The following SNX30 variants were observed in gnomAD, a reference collection of about 807,000 sequenced individuals.
SNX30 encodes sorting nexin family member 30, also known as sorting nexin-30.
A neutral mutation model predicts 46.4 loss-of-function variants in SNX30; 24 were observed. The ratio of observed to expected loss-of-function variants is 0.52; its 90% CI spans 0.37 to 0.73. SNX30 has a LOEUF of 0.73. SNX30 is among the 30% of genes least tolerant of loss of function. SNX30 has a pLI of 0.00. For synonymous variants in SNX30, 189 were observed against 211.5 expected (o/e 0.89, Z 0.92); for missense variants, 533 against 555.7 (o/e 0.96, Z 0.41).
chr9:112,846,981 C>A (rs1055472563), intron 6 of SNX30, among the ~76,000 whole-genome samples: 21 of 152,160 alleles, frequency 1.4e-4, no homozygotes, highest in Non-Finnish European at 4.4e-5. Context: ...CCACTGTGGT[C>A]TTTTTTGGGA....
In SNX30 at chr9:112,804,904, T is replaced by C. The variant is rs1891402; in HGVS notation, c.285T>C (p.Val95=). The change falls in exon 2 of 9, where the codon GTT becomes GTC. Residue 95 remains valine (V), a synonymous_variant. Coordinates refer to ENST00000374232, the MANE Select transcript of SNX30 (RefSeq NM_001012994.2). Reference sequence around the variant, plus strand: ...AGACTAGAGATCTCTTCGTTATAGTTGATGATCCCAAGAAGCATGTGTGTA... The same window carrying C: ...AGACTAGAGATCTCTTCGTTATAGTCGATGATCCCAAGAAGCATGTGTGTA... ...DGETRDLFVI[V]DDPKKHVCTM... The C allele has an allele frequency of 0.92, 1,485,178 of 1,613,504 alleles. 684,080 individuals carry two copies. The highest frequency in any genetic ancestry group is 1 in the East Asian group (44,835 of 44,848).
intron 8 of SNX30, among the ~76,000 whole-genome samples, chr9:112,865,242 T>TAC (rs1841305399): frequency 8.7e-6 from 1 of 114,406 alleles, no homozygotes; most frequent in African/African-American, 3.4e-5. Context: ...ACACACACCA[T>TAC]ACACACACCA....
chr9:112,856,595 G>T (rs926949853), intron 7 of SNX30: 3 of 152,176 alleles, frequency 2.0e-5, no homozygotes, highest in African/African-American at 4.8e-5. Flanking sequence ...TGGAAATTGG[G>T]CTCTCTGGAC....
At chr9:112,806,754 C>T (rs1259154020) in intron 2 of SNX30, among the ~76,000 whole-genome samples, 2 of 151,976 alleles carry the variant, frequency 1.3e-5, no homozygotes, top group Non-Finnish European at 2.9e-5. Context: ...TCCTTCTTGC[C>T]AAAAGCAACC....
downstream of SNX30, chr9:112,879,473 TGTGCAGC>T: frequency 3.0e-6 from 1 of 337,808 alleles, no homozygotes; most frequent in South Asian, 6.3e-5. Context: ...GGGACTGCTG[TGTGCAGC>T]CTGCCTGTAA....
chr9:112,791,181 T>C (rs1007986148), intron 1 of SNX30, among the ~76,000 whole-genome samples: 2 of 152,024 alleles, frequency 1.3e-5, no homozygotes, highest in African/African-American at 4.8e-5. Flanking sequence ...AAAAAGAAAT[T>C]TGGTCTTTAT....
intron 1 of SNX30, among the ~76,000 whole-genome samples, chr9:112,792,665 A>G (rs1454336216): frequency 6.6e-6 from 1 of 152,156 alleles, no homozygotes; most frequent in Non-Finnish European, 1.5e-5. Context: ...GGCTCAAGCA[A>G]TCCACCTGCC....
chr9:112,784,105 G>T (rs999940188), intron 1 of SNX30, among the ~76,000 whole-genome samples: 1 of 152,046 alleles, frequency 6.6e-6, no homozygotes, highest in Non-Finnish European at 1.5e-5. Context: ...TGGCCAGACT[G>T]TTTTTTTCCA....
chr9:112,751,445 G>C (rs1839275187), intron 1 of SNX30, among the ~76,000 whole-genome samples: 1 of 152,192 alleles, frequency 6.6e-6, no homozygotes, highest in South Asian at 2.1e-4. Flanking sequence ...GTGTGTTCAG[G>C]GCAGGGCGCC....
At chr9:112,810,757 G>A (rs1840306888) in intron 2 of SNX30, among the ~76,000 whole-genome samples, 1 of 152,146 alleles carries the variant, frequency 6.6e-6, no homozygotes, top group African/African-American at 2.4e-5. Flanking sequence ...AGAGCCAGCT[G>A]CTTGAATCTT....
intron 3 of SNX30, among the ~76,000 whole-genome samples, chr9:112,830,047 C>G (rs1840637517): frequency 6.6e-6 from 1 of 152,156 alleles, no homozygotes; most frequent in African/African-American, 2.4e-5. Flanking sequence ...AGCAGTTGAT[C>G]AAACTACTAT....
At position 112,777,492 on chromosome 9, in the gene SNX30, T is replaced by C. The variant is rs141387575; in HGVS notation, c.156+26335T>C. On this transcript the variant is annotated intron_variant, in intron 1 of 8. Transcript: ENST00000374232. ...CTCAGGCTGGAGTGCAGTGGTGCAG[T>C]CATGGCTCACTGCAGCCTCAAACTC... Among the ~76,000 whole-genome samples, 18 of 152,094 alleles carry C rather than the reference T, an allele frequency of 1.2e-4. No individual in the cohort carries two copies. The East Asian group carries it at 3.5e-3, about 29-fold the overall frequency.
intron 1 of SNX30, among the ~76,000 whole-genome samples, chr9:112,767,726 A>G (rs1014819757): frequency 2.6e-5 from 4 of 151,964 alleles, no homozygotes; most frequent in African/African-American, 9.7e-5. Flanking sequence ...AGTAGCTGGG[A>G]CCACAGGCTT....
At chr9:112,847,240 A>T (rs1407090121) in intron 6 of SNX30, among the ~76,000 whole-genome samples, 1 of 152,136 alleles carries the variant, frequency 6.6e-6, no homozygotes, top group African/African-American at 2.4e-5. Context: ...ATAAACCCAC[A>T]TGTATCCCAG....
chr9:112,771,228 G>C (rs1377693034), intron 1 of SNX30, among the ~76,000 whole-genome samples: 2 of 152,230 alleles, frequency 1.3e-5, no homozygotes, highest in Non-Finnish European at 2.9e-5. Context: ...TATGGGTGGA[G>C]TATACAGATA....
chr9:112,826,167 G>T (rs16917381), intron 3 of SNX30, among the ~76,000 whole-genome samples: 2,562 of 152,232 alleles, frequency 0.017, 82 homozygotes, highest in African/African-American at 0.056. Context: ...ATCGTAACAG[G>T]ACTCATGAAG....
intron 1 of SNX30, among the ~76,000 whole-genome samples, chr9:112,755,798 T>C (rs957616031): frequency 6.6e-6 from 1 of 152,074 alleles, no homozygotes; most frequent in Admixed American, 6.6e-5. Context: ...CTCTGCTTTC[T>C]TCTGTGTCAG....
chr9:112,804,911 C>A lies in SNX30; in HGVS notation c.292C>A (p.Pro98Thr). 1 of 1,613,714 alleles carries A rather than the reference C, an allele frequency of 6.2e-7. No homozygotes were observed. Among genetic ancestry groups the A allele is most frequent in the Non-Finnish European group, 8.5e-7 (1 of 1,179,788 alleles). Reference sequence around the variant, plus strand: ...AGATCTCTTCGTTATAGTTGATGATCCCAAGAAGCATGTGTGTACAATGGA... The same window carrying A: ...AGATCTCTTCGTTATAGTTGATGATACCAAGAAGCATGTGTGTACAATGGA... ...TRDLFVIVDD[P>T]KKHVCTMETY... is the part of the protein sequence containing the mutation. Residue 98 changes from proline (P) to threonine (T), a missense_variant, in exon 2 of 9, where the codon CCC becomes ACC. By Grantham distance (38) the Pro-to-Thr change is conservative (BLOSUM62 -1). Transcript: ENST00000374232.
At chr9:112,868,418 T>G in intron 8 of SNX30, among the ~76,000 whole-genome samples, 1 of 152,304 alleles carries the variant, frequency 6.6e-6, no homozygotes, top group Non-Finnish European at 1.5e-5. Flanking sequence ...AGTGTCTCCA[T>G]CCCTGCCGAG....
Sources: allele counts gnomAD v4.1 joint callset (sites outside exome capture counted in the v4.1 genomes callset), GRCh38; gene constraint gnomAD v4.1.1; transcripts MANE v1.5; gene names NCBI Gene and HGNC (gene_info 2026-07-23, HGNC 2026-07-21).